Variants in SBSN observed in about 807,000 individuals in gnomAD.
SBSN encodes the protein HLAR698.
SBSN carries 33 observed loss-of-function variants against 42.8 expected under a neutral mutation model. The observed-to-expected ratio is 0.77, with a 90% CI of 0.58 to 1.03. The LOEUF (loss-of-function observed/expected upper bound fraction) is 1.03. SBSN is among the 50% of genes least tolerant of loss of function. SBSN has a pLI of 0.00. For missense variants in SBSN, 646 were observed against 757.3 expected (o/e 0.85, Z 1.72); for synonymous variants, 276 against 307.0 (o/e 0.90, Z 1.06).
chr19:35,524,197 A>G (rs2071342549), intron 3 of SBSN, among the ~76,000 whole-genome samples: 1 of 151,698 alleles, frequency 6.6e-6, no homozygotes, highest in Non-Finnish European at 1.5e-5. Flanking sequence ...TAAAATAAAG[A>G]AAGAGAGTCA....
Position 35,524,851 on chromosome 19 carries a change from G to T in SBSN, c.1704+8C>A, listed in dbSNP as rs113609053. On this transcript the variant is annotated splice_region_variant and intron_variant, in intron 2 of 3. Transcript: ENST00000452271. ...CCTCCTCTCCCCTACCCCAGAGTCC[G>T]CGCTTACCCCAGAGGCTAACGGCGT... is the stretch of plus-strand genomic sequence containing the variant. 24 of 1,614,022 alleles carry T rather than the reference G, an allele frequency of 1.5e-5. 1 individual carries two copies. In the African/African-American group the frequency reaches 1.7e-4, roughly 12 times the overall value.
In SBSN at chr19:35,524,833, T is replaced by C. The variant is rs771680590; in HGVS notation, c.1704+26A>G. ...CTAGGGAACTCCCAGGGGCCTCCTCTCCCCTACCCCAGAGTCCGCGCTTAC... is the reference window on the plus strand; with the variant it reads ...CTAGGGAACTCCCAGGGGCCTCCTCCCCCCTACCCCAGAGTCCGCGCTTAC... On this transcript the variant is annotated intron_variant, in intron 2 of 3. Transcript: ENST00000452271. The C allele has an allele frequency of 1.6e-5, 26 of 1,613,608 alleles. No homozygotes were observed. In the South Asian group the frequency reaches 2.7e-4, roughly 17 times the overall value.
rs182923900 is a variant in SBSN at position 35,523,605 on chromosome 19, G to A, written c.1750-72C>T. ...TGACGGGACCCGAGACCTCAGCCCCGCCCCTCGGGAGAAGCACAAGGGGAC... is the reference window on the plus strand; with the variant it reads ...TGACGGGACCCGAGACCTCAGCCCCACCCCTCGGGAGAAGCACAAGGGGAC... On this transcript the variant is annotated intron_variant, in intron 3 of 3. Transcript: ENST00000452271. The A allele has an allele frequency of 7.2e-5, 108 of 1,492,592 alleles. 2 individuals carry two copies. Among genetic ancestry groups the A allele is most frequent in the African/African-American group, 3.9e-4 (28 of 72,454 alleles). 92.5% of individuals were successfully genotyped at this position (1,492,592 alleles called of 1,614,324 possible).
Position 35,528,038 on chromosome 19 carries a change from C to G in SBSN, c.244G>C (p.Glu82Gln), listed in dbSNP as rs560198950. Reference protein sequence around the residue: ...LSNMGSHTGKELDKGVQGLNH... With the variant: ...LSNMGSHTGKQLDKGVQGLNH... ...AGCCCCTGGACGCCTTTGTCCAACTCCTTGCCGGTGTGGCTCCCCATGTTG... is the reference window on the plus strand; with the variant it reads ...AGCCCCTGGACGCCTTTGTCCAACTGCTTGCCGGTGTGGCTCCCCATGTTG... The change falls in exon 1 of 4, where the codon GAG becomes CAG. Residue 82 changes from glutamate (E) to glutamine (Q), a missense_variant. By Grantham distance (29) the Glu-to-Gln change is conservative. This residue lies in a region of SBSN where 190 missense variants were observed against 197.1 expected (regional missense o/e 0.96). Coordinates refer to ENST00000452271, the MANE Select transcript of SBSN (RefSeq NM_001166034.2). The G allele has an allele frequency of 1.8e-5, 29 of 1,613,912 alleles. No individual in the cohort carries two copies. The South Asian group carries it at 3.1e-4, about 17-fold the overall frequency.
chr19:35,524,967 G>A (rs756958793), intron 1 of SBSN, 43 bp from the exon 2 acceptor site: 25 of 1,602,432 alleles, frequency 1.6e-5, no homozygotes, highest in African/African-American at 8.0e-5. Flanking sequence ...CCACAAACGC[G>A]GAGGGTCTCC....
Position 35,527,392 on chromosome 19 carries a change from C to T in SBSN, c.890G>A (p.Gly297Asp), listed in dbSNP as rs753636767. 1.3e-6 allele frequency: 2 copies of T among 1,570,542 alleles called. No homozygotes were observed. The highest frequency in any genetic ancestry group is 2.3e-5 in the South Asian group (2 of 87,902). ...GQVGKEAEKF[G>D]QGAHHAAGQA... ...CCCCGCAGCATGGTGGGCCCCCTGG[C>T]CAAACTTCTCTGCCTCCTTCCCAAC... Residue 297 changes from glycine (G) to aspartate (D), a missense_variant, in exon 1 of 4, where the codon GGC becomes GAC. Around this residue, in one of 3 missense-constraint regions of SBSN, gnomAD observed 220 missense variants for 334.5 expected, o/e 0.66. Transcript: ENST00000452271.
At chr19:35,525,450 C>A (rs1446849030) in intron 1 of SBSN, among the ~76,000 whole-genome samples, 2 of 151,948 alleles carry the variant, frequency 1.3e-5, no homozygotes, top group African/African-American at 4.8e-5. Context: ...TCTGCTGCGC[C>A]GTTCCTCCCC....
In SBSN at chr19:35,523,451, G is replaced by A. The variant is rs2071334022; in HGVS notation, c.*59C>T. On this transcript the variant is annotated 3_prime_UTR_variant, in exon 4 of 4. Coordinates refer to ENST00000452271, the MANE Select transcript of SBSN (RefSeq NM_001166034.2). Reference sequence around the variant, plus strand: ...TGTCCCCCACCCCCAACCCCTCCAGGTCATGTCAGCTGATGTGACAACGGC... The same window carrying A: ...TGTCCCCCACCCCCAACCCCTCCAGATCATGTCAGCTGATGTGACAACGGC... 3.2e-6 allele frequency: 5 copies of A among 1,577,202 alleles called. No individual in the cohort carries two copies. The South Asian group carries it at 4.4e-5, about 14-fold the overall frequency.
rs747981783 is a variant in SBSN, at chr19:35,527,909, G to A, written c.373C>T (p.Gln125Ter). 2 of 1,614,096 alleles carry A rather than the reference G, an allele frequency of 1.2e-6. No individual in the cohort carries two copies. Among genetic ancestry groups the A allele is most frequent in the East Asian group, 4.5e-5 (2 of 44,868 alleles). Residue 125 changes from glutamine (Q) to a stop codon, truncating the protein, a stop_gained, in exon 1 of 4, where the codon CAG becomes TAG. Transcript: ENST00000452271. LOFTEE classifies it high-confidence loss of function. Reference sequence around the variant, plus strand: ...AGTTTGTCTGCCTCCTTCCCAACCTGTCCAGCAGCGTTGTTGACCCCATGG... The same window carrying A: ...AGTTTGTCTGCCTCCTTCCCAACCTATCCAGCAGCGTTGTTGACCCCATGG... ...LGHGVNNAAG[Q>*]VGKEADKLIH...
At position 35,524,942 on chromosome 19, in the gene SBSN, ACT is replaced by A; in HGVS notation, c.1639-20_1639-19del. ...TGGTTGCCCTGTGGACAAAGCCCAG[ACT>A]CTTGTTACAACCCCACAAACGCGGA... On this transcript the variant is annotated intron_variant, in intron 1 of 3. Coordinates refer to ENST00000452271, the MANE Select transcript of SBSN (RefSeq NM_001166034.2). 1.9e-6 allele frequency: 3 copies of A among 1,613,044 alleles called. No individual in the cohort carries two copies. Among genetic ancestry groups the A allele is most frequent in the Non-Finnish European group, 2.5e-6 (3 of 1,179,644 alleles).
Position 35,527,685 on chromosome 19 carries a change from G to C in SBSN, c.597C>G (p.Ala199=). 3 of 1,511,964 alleles carry C rather than the reference G, an allele frequency of 2.0e-6. No homozygotes were observed. The highest frequency in any genetic ancestry group is 8.8e-7 in the Non-Finnish European group (1 of 1,132,844). The allele number at this position is 1,511,964 out of a possible 1,614,324, so 93.7% of individuals were successfully genotyped here. ...GGCCAAATCTCCCAGCCTCATTTCC[G>C]GCCTGCCCTGCAGCATGGTGGACTC... ...GQGVHHAAGQ[A]GNEAGRFGQG... is the part of the protein sequence containing the mutation. The change falls in exon 1 of 4, where the codon GCC becomes GCG. Residue 199 remains alanine, a synonymous_variant. Coordinates refer to ENST00000452271, the MANE Select transcript of SBSN (RefSeq NM_001166034.2).
chr19:35,523,976 C>T (rs2071340518), intron 3 of SBSN, among the ~76,000 whole-genome samples: 1 of 152,126 alleles, frequency 6.6e-6, no homozygotes, highest in South Asian at 2.1e-4. Context: ...ATCAGGAGTT[C>T]GAGACCAGCC....
chr19:35,527,165 G>C lies in SBSN; in HGVS notation c.1117C>G (p.His373Asp), dbSNP rs2146284347. The change falls in exon 1 of 4, where the codon CAC becomes GAC. Residue 373 changes from histidine (H) to aspartate (D), a missense_variant. Coordinates refer to ENST00000452271, the MANE Select transcript of SBSN (RefSeq NM_001166034.2). Reference protein sequence around the residue: ...KETEKLGHGVHHGVNEAWKEA... With the variant: ...KETEKLGHGVDHGVNEAWKEA... ...TTCCAGGCCTCATTAACCCCATGGTGGACCCCATGGCCGAGCTTCTCTGTT... is the reference window on the plus strand; with the variant it reads ...TTCCAGGCCTCATTAACCCCATGGTCGACCCCATGGCCGAGCTTCTCTGTT... 6.5e-7 allele frequency: 1 copy of C among 1,536,006 alleles called. No homozygotes were observed. The highest frequency in any genetic ancestry group is 8.7e-7 in the Non-Finnish European group (1 of 1,146,514).
Position 35,527,744 on chromosome 19 carries a change from G to T in SBSN, c.538C>A (p.Gln180Lys). The T allele has an allele frequency of 6.3e-7, 1 of 1,574,966 alleles. No homozygotes were observed. The highest frequency in any genetic ancestry group is 1.1e-5 in the South Asian group (1 of 88,842). ...AACCTCCCAGCCTCATTTCCGGCCTGCCCTGCAGCATGGTGGACTCCCTGG... is the reference window on the plus strand; with the variant it reads ...AACCTCCCAGCCTCATTTCCGGCCTTCCCTGCAGCATGGTGGACTCCCTGG... ...FGQGVHHAAG[Q>K]AGNEAGRFGQ... Residue 180 changes from glutamine to lysine, a missense_variant, in exon 1 of 4, where the codon CAG becomes AAG. Transcript: ENST00000452271.
chr19:35,527,853 G>A lies in SBSN; in HGVS notation c.429C>T (p.Asn143=). 6.2e-7 allele frequency: 1 copy of A among 1,613,808 alleles called. No individual in the cohort carries two copies. Among genetic ancestry groups the A allele is most frequent in the South Asian group, 1.1e-5 (1 of 91,066 alleles). ...ACTTCCCTGCCTCACTTCCCGCCTGGTTGGCCCCGTGATGGACCCCATGAT... is the reference window on the plus strand; with the variant it reads ...ACTTCCCTGCCTCACTTCCCGCCTGATTGGCCCCGTGATGGACCCCATGAT... ...LIHHGVHHGA[N]QAGSEAGKFG... is the part of the protein sequence containing the mutation. The change falls in exon 1 of 4, where the codon AAC becomes AAT. Residue 143 remains asparagine (N), a synonymous_variant. Transcript: ENST00000452271.
rs2071382619 is a variant in SBSN, at chr19:35,527,042, G to C, written c.1240C>G (p.Gln414Glu). Residue 414 changes from glutamine to glutamate, a missense_variant, in exon 1 of 4, where the codon CAG (glutamine) becomes GAG (glutamate). Coordinates refer to ENST00000452271, the MANE Select transcript of SBSN (RefSeq NM_001166034.2). Reference protein sequence around the residue: ...VVQGLHHGVSQAGREAGQFGH... With the variant: ...VVQGLHHGVSEAGREAGQFGH... Reference sequence around the variant, plus strand: ...AACTGCCCCGCCTCCCTTCCAGCCTGACTAACGCCATGATGGAGGCCTTGG... The same window carrying C: ...AACTGCCCCGCCTCCCTTCCAGCCTCACTAACGCCATGATGGAGGCCTTGG... 1 of 1,539,764 alleles carries C rather than the reference G, an allele frequency of 6.5e-7. No homozygotes were observed. Among genetic ancestry groups the C allele is most frequent in the Non-Finnish European group, 8.7e-7 (1 of 1,146,874 alleles).
chr19:35,528,120 G>A lies in SBSN; in HGVS notation c.162C>T (p.Ile54=). The change falls in exon 1 of 4, where the codon ATC becomes ATT. Residue 54 remains isoleucine, a synonymous_variant. Transcript: ENST00000452271. ...TTCCGGCATGCGTGATTCCACTGTT[G>A]ATGCCATCCAGGGCCTTGCCCACCT... The part of the protein sequence containing the change: ...EREVGKALDG[I]NSGITHAGRE... The A allele has an allele frequency of 5.0e-6, 8 of 1,613,982 alleles. No individual in the cohort carries two copies. Among genetic ancestry groups the A allele is most frequent in the East Asian group, 2.2e-5 (1 of 44,848 alleles).
Position 35,524,850 on chromosome 19 carries a change from C to T in SBSN, c.1704+9G>A, listed in dbSNP as rs369152703. 13 of 1,614,040 alleles carry T rather than the reference C, an allele frequency of 8.1e-6. No individual in the cohort carries two copies. The highest frequency in any genetic ancestry group is 4.0e-5 in the African/African-American group (3 of 75,016). ...GCCTCCTCTCCCCTACCCCAGAGTC[C>T]GCGCTTACCCCAGAGGCTAACGGCG... is the stretch of plus-strand genomic sequence containing the variant. On this transcript the variant is annotated intron_variant, in intron 2 of 3. Transcript: ENST00000452271.
Position 35,526,953 on chromosome 19 carries a change from A to C in SBSN, c.1329T>G (p.Gly443=), listed in dbSNP as rs1600122035. Reference sequence around the variant, plus strand: ...CGGCCTCGTGGACCCCAGGTTGGACACCATGAACTGCTATGTCTCCCTCTT... The same window carrying C: ...CGGCCTCGTGGACCCCAGGTTGGACCCCATGAACTGCTATGTCTCCCTCTT... ...AGKEGDIAVH[G]VQPGVHEAGK... Residue 443 remains glycine, a synonymous_variant, in exon 1 of 4, where the codon GGT becomes GGG. Coordinates refer to ENST00000452271, the MANE Select transcript of SBSN (RefSeq NM_001166034.2). 2 of 1,567,952 alleles carry C rather than the reference A, an allele frequency of 1.3e-6. No individual in the cohort carries two copies. Among genetic ancestry groups the C allele is most frequent in the East Asian group, 4.8e-5 (2 of 42,076 alleles).
Sources: gnomAD v4.1 joint callset for allele counts (sites outside exome capture counted in the v4.1 genomes callset) on GRCh38, gnomAD v4.1.1 for gene constraint, gnomAD v4.1.1 regional missense constraint, MANE v1.5 for transcripts, NCBI Gene and HGNC (gene_info 2026-07-23, HGNC 2026-07-21) for gene names.